The following SYT3 variants were observed in gnomAD, a reference collection of about 807,000 sequenced individuals.
SYT3 encodes the protein synaptotagmin-3.
SYT3 carries 25 observed loss-of-function variants against 50.6 expected under a neutral mutation model. The ratio of observed to expected loss-of-function variants is 0.49; its 90% CI spans 0.36 to 0.69. The LOEUF (loss-of-function observed/expected upper bound fraction) is 0.69. Ranked by LOEUF, SYT3 falls within the 30% of genes least tolerant of loss-of-function variation. SYT3 has a pLI of 0.00. For synonymous variants in SYT3, 323 were observed against 353.9 expected (o/e 0.91, Z 0.98); for missense variants, 589 against 793.6 (o/e 0.74, Z 3.10).
At chr19:50,652,467 T>C in the SYT3 span, among the ~76,000 whole-genome samples, 1 of 152,112 alleles carries the variant, frequency 6.6e-6, no homozygotes, top group Non-Finnish European at 1.5e-5. Flanking sequence ...AGGAATGGCA[T>C]CAGTGGACCC....
At position 50,621,977 on chromosome 19, in the gene SYT3, T is replaced by C. The variant is rs1472164414; in HGVS notation, c.*508A>G. ...GTCTCAGAGAGGACAGGAGGCCCAG[T>C]TGGAGTGAGACCCACAGAGTGTGTT... is the stretch of plus-strand genomic sequence containing the variant. On this transcript the variant is annotated 3_prime_UTR_variant, in exon 11 of 11. Transcript: ENST00000600079. The C allele has an allele frequency of 7.1e-6, 1 of 141,450 alleles. No homozygotes were observed. Among genetic ancestry groups the C allele is most frequent in the East Asian group, 2.0e-4 (1 of 4,896 alleles). 8.8% of individuals were successfully genotyped at this position (141,450 alleles called of 1,614,324 possible). A position where few individuals can be genotyped will look rare whatever the true frequency, so the allele number is the denominator to read the frequency against.
intron 2 of SYT3, among the ~76,000 whole-genome samples, chr19:50,638,273 A>G (rs116028317): frequency 2.0e-5 from 3 of 152,292 alleles, no homozygotes; most frequent in African/African-American, 7.2e-5. Context: ...CAGTAGGAGC[A>G]GGATGACAGG....
the SYT3 span, chr19:50,649,480 C>T: frequency 6.5e-7 from 1 of 1,536,278 alleles, no homozygotes; most frequent in Non-Finnish European, 8.7e-7. Context: ...GCTTCCCTGC[C>T]ATGGGCAGCC....
At chr19:50,655,980 G>A in the SYT3 span, 1 of 1,430,348 alleles carries the variant, frequency 7.0e-7, no homozygotes, top group Non-Finnish European at 9.5e-7. Flanking sequence ...AGCAATTGGT[G>A]ATGGCCATTT....
chr19:50,652,693 T>C, the SYT3 span, among the ~76,000 whole-genome samples: 121 of 152,318 alleles, frequency 7.9e-4, no homozygotes, highest in African/African-American at 2.8e-3. Flanking sequence ...TGGAAGGACT[T>C]TGGACTTTAT....
At chr19:50,641,340 C>T (rs144981421), upstream of SYT3, among the ~76,000 whole-genome samples, 2,280 of 150,924 alleles carry the variant, frequency 0.015, 32 homozygotes, top group African/African-American at 0.052. Context: ...CCACCGTGCC[C>T]GGCTAATTTT....
At chr19:50,626,951 A>G (rs1428275187) in intron 6 of SYT3, among the ~76,000 whole-genome samples, 1 of 147,824 alleles carries the variant, frequency 6.8e-6, no homozygotes, top group Admixed American at 6.8e-5. Context: ...CACCAAGAGA[A>G]AGAGAGAGAG....
the SYT3 span, among the ~76,000 whole-genome samples, chr19:50,646,474 C>T: frequency 1.3e-5 from 2 of 152,262 alleles, no homozygotes; most frequent in African/African-American, 4.8e-5. Flanking sequence ...ACTCATGTGT[C>T]CTGAACTTCC....
At position 50,625,442 on chromosome 19, in the gene SYT3, C is replaced by CG; in HGVS notation, c.1524dup (p.Glu509ArgfsTer88). 6.3e-7 allele frequency: 1 copy of CG among 1,577,296 alleles called. No individual in the cohort carries two copies. The highest frequency in any genetic ancestry group is 8.6e-7 in the Non-Finnish European group (1 of 1,161,208). ...CTGAGCCCCACGTTCTCCACGCTCT[C>CG]GGGGGCCACGTCGAACACCAGCGCC... On this transcript the variant is annotated frameshift_variant, in exon 8 of 11. Transcript: ENST00000600079. LOFTEE classifies it high-confidence loss of function. This position sits in a 1 kb window ranked among gnomAD's most constrained non-coding sequence, Gnocchi z 7.5.
intron 3 of SYT3, among the ~76,000 whole-genome samples, chr19:50,636,743 G>A (rs1237882846): frequency 1.3e-5 from 2 of 152,214 alleles, no homozygotes; most frequent in Admixed American, 1.3e-4. Flanking sequence ...ATGTGCAGAG[G>A]ACCTCGCATG....
chr19:50,644,892 T>G, the SYT3 span, among the ~76,000 whole-genome samples: 1 of 151,214 alleles, frequency 6.6e-6, no homozygotes, highest in African/African-American at 2.4e-5. Context: ...GATAGATAGA[T>G]GAAGAGTTAG....
the SYT3 span, chr19:50,655,909 G>T: frequency 1.3e-6 from 1 of 777,544 alleles, no homozygotes; most frequent in Non-Finnish European, 2.1e-6. Context: ...GGTGGAGTTT[G>T]GAGCTAAGAG....
chr19:50,635,230 C>T (rs1261449437), intron 3 of SYT3, among the ~76,000 whole-genome samples: 5 of 152,080 alleles, frequency 3.3e-5, no homozygotes, highest in African/African-American at 1.2e-4. Context: ...TTTTAAGTGA[C>T]CAACACTCAC....
chr19:50,657,584 A>G, the SYT3 span, among the ~76,000 whole-genome samples: 6 of 150,690 alleles, frequency 4.0e-5, 1 homozygote, highest in Non-Finnish European at 5.9e-5. Flanking sequence ...TAATACGAAT[A>G]TAAAAGGAAA....
At position 50,632,462 on chromosome 19, in the gene SYT3, C is replaced by G. The variant is rs1465745979; in HGVS notation, c.498G>C (p.Ser166=). The change falls in exon 4 of 11, where the codon TCG becomes TCC. Residue 166 remains serine (S), a synonymous_variant. Transcript: ENST00000600079. The surrounding 1 kb of genome is among the most constrained non-coding windows in gnomAD (Gnocchi z 4.7). ...TPEPSYLDMD[S]YPEAAAAAVA... is the part of the protein sequence containing the mutation. The stretch of plus-strand genomic sequence containing the variant: ...CTGCTGCTGCTGCAGCCTCTGGATA[C>G]GAGTCCATGTCCAAGTAGGAGGGCT... 6.2e-7 allele frequency: 1 copy of G among 1,613,318 alleles called. No individual in the cohort carries two copies. The highest frequency in any genetic ancestry group is 8.5e-7 in the Non-Finnish European group (1 of 1,179,844).
chr19:50,624,554 CTTT>C (rs35518299), intron 9 of SYT3, among the ~76,000 whole-genome samples: 1 of 137,942 alleles, frequency 7.2e-6, no homozygotes, highest in African/African-American at 2.7e-5. Flanking sequence ...TCTTAAATGA[CTTT>C]TTTTTTTTTT....
chr19:50,647,192 G>A, the SYT3 span, among the ~76,000 whole-genome samples: 1 of 152,142 alleles, frequency 6.6e-6, no homozygotes, highest in African/African-American at 2.4e-5. Context: ...TTGGAGGGGT[G>A]AGGTTGGGAG....
intron 5 of SYT3, 41 bp from the exon 6 acceptor site, chr19:50,629,553 A>G (rs1459134523): frequency 3.2e-6 from 5 of 1,543,982 alleles, no homozygotes; most frequent in South Asian, 2.3e-5. Context: ...CCGTGCCCAT[A>G]AGCCCCTCCT....
Position 50,625,727 on chromosome 19 carries a change from T to C in SYT3, c.1403-163A>G, listed in dbSNP as rs913880837. 2.7e-5 allele frequency among the ~76,000 whole-genome samples: 4 copies of C among 145,822 alleles called. No homozygotes were observed. The highest frequency in any genetic ancestry group is 6.0e-5 in the Non-Finnish European group (4 of 66,444). On this transcript the variant is annotated intron_variant, in intron 7 of 10. Coordinates refer to ENST00000600079, the MANE Select transcript of SYT3 (RefSeq NM_001160329.2). This position sits in a 1 kb window ranked among gnomAD's most constrained non-coding sequence, Gnocchi z 7.5. ...CAAGAGTCCAGACCCCAGGTCCTCC[T>C]CTCTCCGACCCAGGAGTCCAGGCCC...
Sources: allele counts gnomAD v4.1 joint callset (sites outside exome capture counted in the v4.1 genomes callset), GRCh38; gene constraint gnomAD v4.1.1; non-coding constraint Gnocchi (gnomAD v3.1); transcripts MANE v1.5; gene names NCBI Gene and HGNC (gene_info 2026-07-23, HGNC 2026-07-21).